TG: variants seen among roughly 807,000 people sequenced by gnomAD.
The protein encoded by TG is thyroid hormones.
A neutral mutation model predicts 324.7 loss-of-function variants in TG; 270 were observed. The ratio of observed to expected loss-of-function variants is 0.83; its 90% CI spans 0.75 to 0.92. The LOEUF (loss-of-function observed/expected upper bound fraction) is 0.92. Ranked by LOEUF, TG falls within the 40% of genes least tolerant of loss-of-function variation. The pLI is 0.00. For synonymous variants in TG, 1,401 were observed against 1,327.0 expected, an observed-to-expected ratio of 1.06 and a Z score of -1.21; for missense variants, 3,591 against 3,456.4, an observed-to-expected ratio of 1.04 and a Z score of -0.98.
At chr8:132,978,118 C>A (rs1042998664) in intron 34 of TG, among the ~76,000 whole-genome samples, 4 of 152,198 alleles carry the variant, frequency 2.6e-5, no homozygotes, top group Non-Finnish European at 4.4e-5. Flanking sequence ...GCAGGCTGTG[C>A]AAGCATGGCA....
At chr8:132,962,697 A>G (rs928511589) in intron 28 of TG, among the ~76,000 whole-genome samples, 2 of 152,214 alleles carry the variant, frequency 1.3e-5, no homozygotes, top group East Asian at 3.8e-4. Flanking sequence ...CTTGTTCCCT[A>G]CCTACACAGG....
At chr8:133,134,344 G>A (rs1243529813) in intron 47 of TG, among the ~76,000 whole-genome samples, 3 of 152,122 alleles carry the variant, frequency 2.0e-5, no homozygotes, top group African/African-American at 7.2e-5. Context: ...TTTTTAGAAT[G>A]ACAGGAGTTT....
chr8:132,948,788 G>T lies in TG; in HGVS notation c.5246G>T (p.Cys1749Phe). The T allele has an allele frequency of 6.2e-7, 1 of 1,613,862 alleles. No individual in the cohort carries two copies. The highest frequency in any genetic ancestry group is 2.2e-5 in the East Asian group (1 of 44,864). The change falls in exon 27 of 48, where the codon TGT (cysteine) becomes TTT (phenylalanine). Residue 1749 changes from cysteine to phenylalanine, a missense_variant. Coordinates refer to ENST00000220616, the MANE Select transcript of TG (RefSeq NM_003235.5). Reference protein sequence around the residue: ...LTQVQGGAIICGLLSSPSVLL... With the variant: ...LTQVQGGAIIFGLLSSPSVLL... ...TTGTGATTCTCAGGTGCCATCATCT[G>T]TGGGTTGCTGAGCTCACCCAGTGTC...
chr8:132,966,419 A>G, intron 29 of TG, 141 bp from the exon 30 acceptor site: 5 of 1,123,326 alleles, frequency 4.5e-6, no homozygotes, highest in Non-Finnish European at 6.5e-6. Flanking sequence ...ACAGCATAAA[A>G]ATGTCTCTGT....
At chr8:132,994,652 T>A (rs1832698311) in intron 35 of TG, 3 of 1,281,148 alleles carry the variant, frequency 2.3e-6, no homozygotes, top group Non-Finnish European at 3.0e-6. Flanking sequence ...GTGTGCTGAA[T>A]TCCCTGACCT....
In TG at chr8:132,897,632, T is replaced by C; in HGVS notation, c.3002-17T>C. 1 of 1,614,154 alleles carries C rather than the reference T, an allele frequency of 6.2e-7. No individual in the cohort carries two copies. The highest frequency in any genetic ancestry group is 8.5e-7 in the Non-Finnish European group (1 of 1,180,040). ...AGCAGGTGGTCATATTCTGCTTTTC[T>C]CCTTCCCTGACTCCAGCCTTAAGCT... On this transcript the variant is annotated splice_polypyrimidine_tract_variant and intron_variant, in intron 11 of 47. Transcript: ENST00000220616.
intron 41 of TG, among the ~76,000 whole-genome samples, chr8:133,071,677 A>G (rs971277819): frequency 5.9e-5 from 9 of 151,948 alleles, no homozygotes; most frequent in African/African-American, 2.2e-4. Context: ...GCACCTGCAA[A>G]CTGGAGGGAA....
chr8:133,045,982 A>G (rs1839307974), intron 41 of TG, among the ~76,000 whole-genome samples: 2 of 151,996 alleles, frequency 1.3e-5, no homozygotes. Context: ...AAATCTGGAG[A>G]AGCTGAGTCA....
At chr8:133,087,069 TTTACAC>T (rs1846680566) in intron 41 of TG, among the ~76,000 whole-genome samples, 1 of 124,336 alleles carries the variant, frequency 8.0e-6, no homozygotes, top group African/African-American at 3.2e-5. Context: ...TGAATATATG[TTTACAC>T]ACACACACAC....
Position 132,939,659 on chromosome 8 carries a change from T to TG in TG, c.5042-1688dup, listed in dbSNP as rs34323965. 2.9e-5 allele frequency among the ~76,000 whole-genome samples: 4 copies of TG among 138,416 alleles called. No individual in the cohort carries two copies. In the South Asian group the frequency reaches 7.2e-4, roughly 25 times the overall value. The allele number at this position is 138,416 out of a possible 152,430, so 90.8% of individuals were successfully genotyped here. ...GTTCAGCCCTTTTATATATAGTCTATGGGGTTTTTTTTTTTTGTTTGTTTG... is the reference window on the plus strand; with the variant it reads ...GTTCAGCCCTTTTATATATAGTCTATGGGGGTTTTTTTTTTTTGTTTGTTTG... On this transcript the variant is annotated intron_variant, in intron 25 of 47. Coordinates refer to ENST00000220616, the MANE Select transcript of TG (RefSeq NM_003235.5).
intron 41 of TG, among the ~76,000 whole-genome samples, chr8:133,066,150 C>T (rs151121981): frequency 0.036 from 5,419 of 152,002 alleles, 231 homozygotes; most frequent in African/African-American, 0.098. Flanking sequence ...GGTGAAACCC[C>T]GTCTCTACTA....
intron 20 of TG, among the ~76,000 whole-genome samples, chr8:132,917,755 A>G (rs996146550): frequency 6.6e-6 from 1 of 152,036 alleles, no homozygotes; most frequent in Non-Finnish European, 1.5e-5. Context: ...GCGGCTGTCA[A>G]TGTTGGGGGG....
At position 132,901,530 on chromosome 8, in the gene TG, C is replaced by A; in HGVS notation, c.3611C>A (p.Thr1204Asn). The change falls in exon 16 of 48, where the codon ACC (threonine) becomes AAC (asparagine). Residue 1204 changes from threonine to asparagine, a missense_variant. Transcript: ENST00000220616. ...GAAGAGGTGCCTGGGACGCGCGTGA[C>A]CGGGGGCCAGCCCGCCTGTGAGAGT... ...SGEEVPGTRV[T>N]GGQPACESPR... The A allele has an allele frequency of 6.2e-7, 1 of 1,613,408 alleles. No individual in the cohort carries two copies. Among genetic ancestry groups the A allele is most frequent in the South Asian group, 1.1e-5 (1 of 91,048 alleles).
chr8:133,130,424 C>T (rs954428233), intron 45 of TG, among the ~76,000 whole-genome samples: 5 of 152,108 alleles, frequency 3.3e-5, no homozygotes, highest in African/African-American at 1.2e-4. Flanking sequence ...CTGGTAAGCT[C>T]AATTTAATCA....
At chr8:133,014,594 A>G (rs1834852366) in intron 37 of TG, among the ~76,000 whole-genome samples, 1 of 152,274 alleles carries the variant, frequency 6.6e-6, no homozygotes, top group Non-Finnish European at 1.5e-5. Context: ...GGGAGCAGCA[A>G]TAAACAACAT....
chr8:132,882,015 C>T, intron 6 of TG, 46 bp downstream of exon 6: 1 of 1,383,322 alleles, frequency 7.2e-7, no homozygotes, highest in East Asian at 2.3e-5. Context: ...AGTGTGATTC[C>T]TCAGGTCTGA....
intron 20 of TG, among the ~76,000 whole-genome samples, chr8:132,917,820 T>C (rs1189001231): frequency 2.0e-5 from 3 of 151,532 alleles, no homozygotes; most frequent in Non-Finnish European, 4.4e-5. Flanking sequence ...TCTGTGAGAC[T>C]CTCAAACTCA....
intron 43 of TG, chr8:133,102,967 G>A (rs1010003438): frequency 2.0e-5 from 5 of 248,616 alleles, no homozygotes; most frequent in Admixed American, 5.0e-5. Flanking sequence ...AGCCCGAGGC[G>A]CTGGCACGAG....
chr8:132,869,224 T>C (rs935588868), intron 2 of TG, among the ~76,000 whole-genome samples: 2 of 152,230 alleles, frequency 1.3e-5, no homozygotes, highest in South Asian at 4.1e-4. Context: ...TACCTTCTTA[T>C]ACCTCTGACC....
Sources: allele counts gnomAD v4.1 joint callset (sites outside exome capture counted in the v4.1 genomes callset), GRCh38; gene constraint gnomAD v4.1.1; transcripts MANE v1.5; gene names NCBI Gene and HGNC (gene_info 2026-07-23, HGNC 2026-07-21).